Variants in CACNB4 observed in about 807,000 individuals in gnomAD.
CACNB4 encodes the protein voltage-dependent L-type calcium channel subunit beta-4.
CACNB4 carries 32 observed loss-of-function variants against 71.2 expected under a neutral mutation model. That is an observed-to-expected ratio of 0.45 (90% CI 0.34 to 0.60). The LOEUF (loss-of-function observed/expected upper bound fraction) is 0.60. CACNB4 is among the 20% of genes least tolerant of loss of function. The probability of loss-of-function intolerance (pLI) is 0.01; values close to 1 mark genes in which losing one functional copy is unlikely to be tolerated. For synonymous variants in CACNB4, 231 were observed against 236.9 expected (o/e 0.97, Z 0.23); for missense variants, 464 against 647.9 (o/e 0.72, Z 3.08).
At chr2:151,904,664 A>G (rs1679692629) in intron 2 of CACNB4, among the ~76,000 whole-genome samples, 1 of 151,664 alleles carries the variant, frequency 6.6e-6, no homozygotes, top group South Asian at 2.1e-4. Context: ...CCTCTCAAGT[A>G]GCTGGGACTA....
chr2:151,837,079 A>G lies in CACNB4; in HGVS notation c.*2040T>C, dbSNP rs2099835045. ...GGAAGATGCTCTTCTGTGTTCTAAC[A>G]AAGTATTCAGTAATGGCAGGTTATA... is the stretch of plus-strand genomic sequence containing the variant. On this transcript the variant is annotated 3_prime_UTR_variant, in exon 14 of 14. Transcript: ENST00000539935. 6.6e-6 allele frequency: 1 copy of G among 152,046 alleles called. No individual in the cohort carries two copies. Among genetic ancestry groups the G allele is most frequent in the African/African-American group, 2.4e-5 (1 of 41,452 alleles). 9.4% of individuals were successfully genotyped at this position (152,046 alleles called of 1,614,324 possible). A position where few individuals can be genotyped will look rare whatever the true frequency, so the allele number is the denominator to read the frequency against.
intron 2 of CACNB4, among the ~76,000 whole-genome samples, chr2:151,983,435 G>A (rs1448280050): frequency 6.6e-6 from 1 of 151,986 alleles, no homozygotes; most frequent in Non-Finnish European, 1.5e-5. Flanking sequence ...AGGCGCAAAT[G>A]GAAACAAACT....
In CACNB4 at chr2:151,834,336, C is replaced by CA. The variant is rs1180532687; in HGVS notation, c.*4782dup. 1 of 151,976 alleles carries CA rather than the reference C, an allele frequency of 6.6e-6. No individual in the cohort carries two copies. Among genetic ancestry groups the CA allele is most frequent in the African/African-American group, 2.4e-5 (1 of 41,430 alleles). 9.4% of individuals were successfully genotyped at this position (151,976 alleles called of 1,614,324 possible). A position where few individuals can be genotyped will look rare whatever the true frequency, so the allele number is the denominator to read the frequency against. On this transcript the variant is annotated 3_prime_UTR_variant, in exon 14 of 14. Coordinates refer to ENST00000539935, the MANE Select transcript of CACNB4 (RefSeq NM_000726.5). ...CATCATGAGAAACAAAAGAAAGTTTCATATATAACTACGACTCCCCAAACC... is the reference window on the plus strand; with the variant it reads ...CATCATGAGAAACAAAAGAAAGTTTCAATATATAACTACGACTCCCCAAACC...
rs1228271135 is a variant in CACNB4, at chr2:151,872,224, A to T, written c.598+193T>A. The T allele has an allele frequency of 5.4e-6, 3 of 557,540 alleles. No individual in the cohort carries two copies. The African/African-American group carries it at 5.8e-5, about 11-fold the overall frequency. The allele number at this position is 557,540 out of a possible 1,614,324, so 34.5% of individuals were successfully genotyped here. Reference sequence around the variant, plus strand: ...GATTTTTCAAAATTATATTCTAATGACATGAATTTTTAATACCATTTTAAA... The same window carrying T: ...GATTTTTCAAAATTATATTCTAATGTCATGAATTTTTAATACCATTTTAAA... On this transcript the variant is annotated intron_variant, in intron 6 of 13. Transcript: ENST00000539935.
At chr2:151,868,725 C>A (rs1027582769) in intron 9 of CACNB4, 3 of 152,024 alleles carry the variant, frequency 2.0e-5, no homozygotes, top group African/African-American at 4.8e-5. Context: ...AATTCTCACT[C>A]TCTTCTTTTG....
At chr2:151,949,803 C>A (rs764534291) in intron 2 of CACNB4, among the ~76,000 whole-genome samples, 1 of 152,170 alleles carries the variant, frequency 6.6e-6, no homozygotes, top group Non-Finnish European at 1.5e-5. Context: ...AATACTGGCA[C>A]TTTGGGAGGC....
At chr2:151,920,481 C>T (rs986139231) in intron 2 of CACNB4, among the ~76,000 whole-genome samples, 6 of 151,866 alleles carry the variant, frequency 4.0e-5, no homozygotes, top group African/African-American at 1.5e-4. Context: ...TGCCACCACA[C>T]CTGGTTAATT....
At chr2:151,860,647 T>C (rs1224999293) in intron 10 of CACNB4, 64 bp downstream of exon 10, 12 of 1,061,214 alleles carry the variant, frequency 1.1e-5, no homozygotes, top group Non-Finnish European at 1.6e-5. Context: ...CATTCACAAA[T>C]GCACCATGTG....
intron 2 of CACNB4, among the ~76,000 whole-genome samples, chr2:152,080,127 C>T (rs566457920): frequency 6.8e-6 from 1 of 146,270 alleles, no homozygotes; most frequent in South Asian, 2.2e-4. Context: ...AATTTACTGT[C>T]TTTTTTTTTT....
intron 10 of CACNB4, chr2:151,859,504 C>T (rs1351688739): frequency 6.6e-6 from 1 of 152,172 alleles, no homozygotes; most frequent in Non-Finnish European, 1.5e-5. Context: ...AACTTAATGT[C>T]CCTGTCACCC....
chr2:152,035,630 C>CCTCTCTCTCTCT (rs369495604), intron 2 of CACNB4, among the ~76,000 whole-genome samples: 1,674 of 93,236 alleles, frequency 0.018, 35 homozygotes, highest in Non-Finnish European at 0.024. Context: ...CCTCCCTCTC[C>CCTCTCTCTCTCT]CTCTCTCTCT....
chr2:151,982,917 C>T (rs1303319273), intron 2 of CACNB4, among the ~76,000 whole-genome samples: 2 of 152,118 alleles, frequency 1.3e-5, no homozygotes, highest in African/African-American at 4.8e-5. Flanking sequence ...CAGAAAAATA[C>T]ATACAGAAAG....
chr2:151,866,479 G>A (rs1045502107), intron 9 of CACNB4: 2 of 152,274 alleles, frequency 1.3e-5, no homozygotes, highest in East Asian at 1.9e-4. Flanking sequence ...TCTCTTGGCT[G>A]GTTTCAATTA....
At chr2:152,003,052 AG>A (rs1682513466) in intron 2 of CACNB4, among the ~76,000 whole-genome samples, 1 of 152,246 alleles carries the variant, frequency 6.6e-6, no homozygotes, top group African/African-American at 2.4e-5. Context: ...TTCCATCTCC[AG>A]GGCCCATGGA....
chr2:152,051,468 G>C (rs1318827336), intron 2 of CACNB4, among the ~76,000 whole-genome samples: 1 of 152,130 alleles, frequency 6.6e-6, no homozygotes, highest in Non-Finnish European at 1.5e-5. Context: ...CAGTGTGATG[G>C]CATTTGGAGA....
chr2:152,002,900 A>G (rs1682505121), intron 2 of CACNB4, among the ~76,000 whole-genome samples: 1 of 152,330 alleles, frequency 6.6e-6, no homozygotes, highest in Admixed American at 6.5e-5. Context: ...TAGTATTTGC[A>G]TTTTTGAGTT....
At chr2:151,852,094 T>C (rs143996844) in intron 12 of CACNB4, 4 of 152,250 alleles carry the variant, frequency 2.6e-5, no homozygotes, top group Non-Finnish European at 5.9e-5. Context: ...GGGTAGGAAA[T>C]TGTCTTTGGA....
In CACNB4 at chr2:152,098,409, G is replaced by C. The variant is rs1253557509; in HGVS notation, c.68C>G (p.Ala23Gly). 1.9e-6 allele frequency: 3 copies of C among 1,612,656 alleles called. No individual in the cohort carries two copies. Among genetic ancestry groups the C allele is most frequent in the Non-Finnish European group, 8.5e-7 (1 of 1,178,912 alleles). The change falls in exon 2 of 14, where the codon GCC becomes GGC. Residue 23 changes from alanine to glycine, a missense_variant. Coordinates refer to ENST00000539935, the MANE Select transcript of CACNB4 (RefSeq NM_000726.5). The surrounding 1 kb of genome is among the most constrained non-coding windows in gnomAD (Gnocchi z 5.3). The part of the protein sequence containing the change: ...DGPHSPTSQV[A>G]RGTTTRRSRL... ...GCTCCTCCGGGTTGTGGTGCCTCGG[G>C]CCACCTGGACTCGACACACGGGGGC...
At chr2:151,872,627 C>CAA in intron 5 of CACNB4, 134 bp from the exon 6 acceptor site, 1 of 559,582 alleles carries the variant, frequency 1.8e-6, no homozygotes, top group South Asian at 2.3e-5. Flanking sequence ...TAAAGAATTT[C>CAA]AAGAATCTAT....
Sources: allele counts gnomAD v4.1 joint callset (sites outside exome capture counted in the v4.1 genomes callset), GRCh38; gene constraint gnomAD v4.1.1; non-coding constraint Gnocchi (gnomAD v3.1); transcripts MANE v1.5; gene names NCBI Gene and HGNC (gene_info 2026-07-23, HGNC 2026-07-21).